Variants in APMAP observed in about 807,000 individuals in gnomAD.
The protein encoded by APMAP is adipocyte plasma membrane associated protein, also known as adipocyte plasma membrane-associated protein.
In APMAP, 33 loss-of-function variants were observed where a neutral mutation model predicts 43.6. That is an observed-to-expected ratio of 0.76 (90% confidence interval 0.57 to 1.01). APMAP has a LOEUF of 1.01. Among genes scored for constraint, APMAP ranks in the 50% least tolerant of loss-of-function variants. The pLI is 0.00. For missense variants in APMAP, 498 were observed against 540.7 expected (o/e 0.92, Z 0.78); for synonymous variants, 224 against 216.7 (o/e 1.03, Z -0.30).
chr20:24,990,202 A>G (rs189896633), intron 1 of APMAP, among the ~76,000 whole-genome samples: 8 of 152,368 alleles, frequency 5.3e-5, no homozygotes, highest in Admixed American at 4.6e-4. Context: ...TCCACACTGA[A>G]TAAAAGAATT....
In APMAP at chr20:24,964,013, G is replaced by A; in HGVS notation, c.1051C>T (p.Gln351Ter). The A allele has an allele frequency of 6.2e-7, 1 of 1,614,166 alleles. No individual in the cohort carries two copies. The highest frequency in any genetic ancestry group is 8.5e-7 in the Non-Finnish European group (1 of 1,180,030). The change falls in exon 9 of 9, where the codon CAA becomes TAA. Residue 351 changes from glutamine (Q) to a stop codon, truncating the protein, a stop_gained. Transcript: ENST00000217456. LOFTEE classifies it high-confidence loss of function. Reference protein sequence around the residue: ...IKRMIFKLFSQETVMKFVPRY... With the variant: ...IKRMIFKLFS ...GGCACAAACTTCATCACCGTCTCTT[G>A]ACTAAAGAGCTAGAGGGAAGCACAG...
chr20:24,976,606 C>G (rs2088052062), intron 3 of APMAP, among the ~76,000 whole-genome samples: 1 of 152,224 alleles, frequency 6.6e-6, no homozygotes, highest in South Asian at 2.1e-4. Context: ...GCAAATGGTA[C>G]AGCCACTTTG....
At chr20:24,973,005 A>G (rs1053528518) in intron 4 of APMAP, among the ~76,000 whole-genome samples, 2 of 152,340 alleles carry the variant, frequency 1.3e-5, no homozygotes, top group East Asian at 3.9e-4. Context: ...TGAAAAGTGA[A>G]CCACTAAAAT....
At chr20:24,966,626 C>T (rs183280334) in intron 8 of APMAP, among the ~76,000 whole-genome samples, 258 of 152,280 alleles carry the variant, frequency 1.7e-3, no homozygotes, top group Non-Finnish European at 3.0e-3. Flanking sequence ...CTGACCTGTA[C>T]GCTTTCAAAG....
intron 5 of APMAP, among the ~76,000 whole-genome samples, chr20:24,971,133 T>C (rs147413946): frequency 1.4e-3 from 217 of 151,206 alleles, no homozygotes; most frequent in African/African-American, 5.0e-3. Context: ...AGAAAACAAA[T>C]AGACAAGACG....
Position 24,978,874 on chromosome 20 carries a change from T to C in APMAP, c.221A>G (p.Glu74Gly), listed in dbSNP as rs2088076345. Residue 74 changes from glutamate to glycine, a missense_variant, in exon 3 of 9, where the codon GAA becomes GGA. Coordinates refer to ENST00000217456, the MANE Select transcript of APMAP (RefSeq NM_020531.3). ...CAGAACACCAAGCAAGAGCGGGGGT[T>C]CTTTGAAGCTGCAAAATAATGCAAT... ...PIDPQPLSFK[E>G]PPLLLGVLHP... 9.3e-6 allele frequency: 15 copies of C among 1,612,940 alleles called. No individual in the cohort carries two copies. The East Asian group carries it at 3.1e-4, about 34-fold the overall frequency.
At chr20:24,972,025 A>G (rs955305437) in intron 4 of APMAP, among the ~76,000 whole-genome samples, 4 of 144,906 alleles carry the variant, frequency 2.8e-5, no homozygotes, top group African/African-American at 1.0e-4. Flanking sequence ...TGCTTACTGC[A>G]GGGTGTTTGT....
chr20:24,977,542 T>C (rs1400181868), intron 3 of APMAP, among the ~76,000 whole-genome samples: 1 of 152,168 alleles, frequency 6.6e-6, no homozygotes, highest in African/African-American at 2.4e-5. Flanking sequence ...GAGACAGCAG[T>C]GGCAGGTCCC....
At position 24,968,994 on chromosome 20, in the gene APMAP, A is replaced by C. The variant is rs369685028; in HGVS notation, c.939T>G (p.Ser313=). 9 of 1,614,042 alleles carry C rather than the reference A, an allele frequency of 5.6e-6. No individual in the cohort carries two copies. Among genetic ancestry groups the C allele is most frequent in the Middle Eastern group, 1.7e-4 (1 of 6,060 alleles). Reference sequence around the variant, plus strand: ...TCGACATGCCCACCCAGTACCCCCCAGAGCTGCTGGGCCGGATGTTGTCTG... The same window carrying C: ...TCGACATGCCCACCCAGTACCCCCCCGAGCTGCTGGGCCGGATGTTGTCTG... ...GFPDNIRPSS[S]GGYWVGMSTI... is the part of the protein sequence containing the mutation. The change falls in exon 8 of 9, where the codon TCT becomes TCG. Residue 313 remains serine (S), a synonymous_variant. Transcript: ENST00000217456.
chr20:24,971,094 C>T (rs891672062), intron 5 of APMAP, among the ~76,000 whole-genome samples: 1 of 151,990 alleles, frequency 6.6e-6, no homozygotes, highest in Non-Finnish European at 1.5e-5. Context: ...AAGGAAGAGA[C>T]AAAGGGGAGG....
At chr20:24,984,896 A>AT (rs1456534623) in intron 1 of APMAP, among the ~76,000 whole-genome samples, 1 of 152,256 alleles carries the variant, frequency 6.6e-6, no homozygotes, top group Non-Finnish European at 1.5e-5. Flanking sequence ...AATGCTTGGC[A>AT]TTAATATTAA....
intron 2 of APMAP, among the ~76,000 whole-genome samples, chr20:24,980,098 G>A (rs1016753408): frequency 2.0e-5 from 3 of 152,168 alleles, no homozygotes; most frequent in Non-Finnish European, 2.9e-5. Context: ...TAGAACATAC[G>A]CTCCATGAGA....
In APMAP at chr20:24,963,349, C is replaced by G. The variant is rs2087913602; in HGVS notation, c.*464G>C. 1 of 175,398 alleles carries G rather than the reference C, an allele frequency of 5.7e-6. No individual in the cohort carries two copies. The highest frequency in any genetic ancestry group is 2.4e-5 in the African/African-American group (1 of 41,782). The allele number at this position is 175,398 out of a possible 1,614,324, so 10.9% of individuals were successfully genotyped here. ...CCTCAACACCCCTGGGCCATGCTCCCTCTGCTCTTCCATCCCCACCACAAC... is the reference window on the plus strand; with the variant it reads ...CCTCAACACCCCTGGGCCATGCTCCGTCTGCTCTTCCATCCCCACCACAAC... On this transcript the variant is annotated 3_prime_UTR_variant, in exon 9 of 9. Coordinates refer to ENST00000217456, the MANE Select transcript of APMAP (RefSeq NM_020531.3).
At chr20:24,982,742 AG>A (rs1180599379) in intron 2 of APMAP, among the ~76,000 whole-genome samples, 1 of 152,078 alleles carries the variant, frequency 6.6e-6, no homozygotes, top group East Asian at 1.9e-4. Context: ...AAGAAGGCCC[AG>A]GTCAGTTTCC....
At chr20:24,990,385 C>A (rs1463198957) in intron 1 of APMAP, among the ~76,000 whole-genome samples, 1 of 152,146 alleles carries the variant, frequency 6.6e-6, no homozygotes, top group African/African-American at 2.4e-5. Context: ...TCTGTAACTT[C>A]ATATAAACCA....
chr20:24,981,932 G>C (rs2088107658), intron 2 of APMAP, among the ~76,000 whole-genome samples: 1 of 152,232 alleles, frequency 6.6e-6, no homozygotes, highest in Admixed American at 6.5e-5. Flanking sequence ...CACCCGCTGG[G>C]ATGGCGTGCA....
chr20:24,984,058 C>A, intron 1 of APMAP, 39 bp from the exon 2 acceptor site: 2 of 1,535,202 alleles, frequency 1.3e-6, no homozygotes, highest in Non-Finnish European at 1.8e-6. Flanking sequence ...TCAGCTGAGT[C>A]TCAGACAGTG....
At chr20:24,991,697 C>T (rs7268095) in intron 1 of APMAP, among the ~76,000 whole-genome samples, 35,231 of 152,074 alleles carry the variant, frequency 0.23, 4,458 homozygotes, top group Middle Eastern at 0.32. Context: ...GTCAATCAGT[C>T]CCACAACTTC....
chr20:24,973,982 G>A (rs1456699231), intron 3 of APMAP, among the ~76,000 whole-genome samples: 1 of 152,208 alleles, frequency 6.6e-6, no homozygotes, highest in Admixed American at 6.5e-5. Flanking sequence ...CAAGGGTGCA[G>A]CAGATACCAG....
Sources: allele counts gnomAD v4.1 joint callset (sites outside exome capture counted in the v4.1 genomes callset), GRCh38; gene constraint gnomAD v4.1.1; transcripts MANE v1.5; gene names NCBI Gene and HGNC (gene_info 2026-07-23, HGNC 2026-07-21).